The following CDH23 variants were observed in gnomAD, a reference collection of about 807,000 sequenced individuals.
CDH23 encodes the protein cadherin related 23.
In CDH23, 189 loss-of-function variants were observed where a neutral mutation model predicts 317.1. The ratio of observed to expected loss-of-function variants is 0.60; its 90% confidence interval spans 0.53 to 0.67. The LOEUF (loss-of-function observed/expected upper bound fraction) is 0.67, where lower values mean the gene tolerates loss of function less well. Among genes scored for constraint, CDH23 ranks in the 30% least tolerant of loss-of-function variants. CDH23 has a pLI of 0.00. For missense variants in CDH23, 4,401 were observed against 4,592.4 expected (o/e 0.96, Z 1.20); for synonymous variants, 1,839 against 1,876.8 (o/e 0.98, Z 0.52).
At chr10:71,778,090 C>A in intron 39 of CDH23, 99 bp from the exon 40 acceptor site, 2 of 1,534,656 alleles carry the variant, frequency 1.3e-6, no homozygotes, top group Non-Finnish European at 1.8e-6. Context: ...GGTTCCCCAT[C>A]ACAGCTCCAA....
At chr10:71,544,091 C>CA (rs1170424518) in intron 6 of CDH23, among the ~76,000 whole-genome samples, 1 of 152,200 alleles carries the variant, frequency 6.6e-6, no homozygotes, top group Non-Finnish European at 1.5e-5. Flanking sequence ...AGCTTTTAAT[C>CA]AGAGTTATGT....
intron 1 of CDH23, among the ~76,000 whole-genome samples, chr10:71,403,331 CT>C (rs1847881138): frequency 5.7e-5 from 3 of 52,358 alleles, no homozygotes; most frequent in South Asian, 7.3e-4. Flanking sequence ...TCCTTCCTTT[CT>C]TTCTTTCTTT....
At position 71,788,807 on chromosome 10, in the gene CDH23, G is replaced by A. The variant is rs184239404; in HGVS notation, c.5821-133G>A. On this transcript the variant is annotated intron_variant, in intron 44 of 69. Transcript: ENST00000224721. ...GTATGTCTTCTTTTGAAAAATGTGA[G>A]TTCATGTTGGTGTGGGCTTTTCTGA... 6.2e-4 allele frequency: 389 copies of A among 627,040 alleles called. 3 individuals are homozygous for A. In the African/African-American group the frequency reaches 6.6e-3, roughly 11 times the overall value. 38.8% of individuals were successfully genotyped at this position (627,040 alleles called of 1,614,324 possible).
At chr10:71,680,953 C>T (rs937554423) in intron 17 of CDH23, among the ~76,000 whole-genome samples, 10 of 150,422 alleles carry the variant, frequency 6.6e-5, no homozygotes, top group Non-Finnish European at 4.4e-5. Flanking sequence ...CTCAGCCTCC[C>T]GAGTAGCTGG....
chr10:71,734,564 C>T lies in CDH23; in HGVS notation c.4207-92C>T, dbSNP rs376253669. 2.1e-4 allele frequency: 334 copies of T among 1,606,116 alleles called. 2 individuals are homozygous for T. In the African/African-American group the frequency reaches 3.8e-3, roughly 18 times the overall value. On this transcript the variant is annotated intron_variant, in intron 33 of 69. Transcript: ENST00000224721. ...AGGGTGGCACCTCCAGAGACACTGC[C>T]GGGAGTGGGGTCTGGAAGAGCCACA...
intron 11 of CDH23, among the ~76,000 whole-genome samples, chr10:71,642,786 C>G (rs1188981330): frequency 1.3e-5 from 2 of 152,138 alleles, no homozygotes; most frequent in Non-Finnish European, 2.9e-5. Flanking sequence ...CTCAATTCCA[C>G]TGGAGGGGCT....
chr10:71,730,289 G>T (rs894777098), intron 30 of CDH23, among the ~76,000 whole-genome samples, 180 bp from the exon 31 acceptor site: 1 of 152,166 alleles, frequency 6.6e-6, no homozygotes, highest in Non-Finnish European at 1.5e-5. Flanking sequence ...CCTGCCACGC[G>T]CCAGGTGCTG....
At chr10:71,753,727 C>T in intron 38 of CDH23, 1 of 456,228 alleles carries the variant, frequency 2.2e-6, no homozygotes, top group Admixed American at 2.3e-5. Flanking sequence ...CCCACAGATG[C>T]TTCTCGTTTT....
chr10:71,625,094 C>A (rs1033573672), intron 11 of CDH23, among the ~76,000 whole-genome samples: 1 of 151,936 alleles, frequency 6.6e-6, no homozygotes, highest in Non-Finnish European at 1.5e-5. Flanking sequence ...AAGTGAGAGC[C>A]CCCCGTGAAT....
intron 41 of CDH23, among the ~76,000 whole-genome samples, chr10:71,781,637 G>T (rs570333444): frequency 6.6e-6 from 1 of 152,344 alleles, no homozygotes; most frequent in South Asian, 2.1e-4. Context: ...CAATCCACAC[G>T]TGATTGGGAT....
intron 28 of CDH23, among the ~76,000 whole-genome samples, chr10:71,721,818 C>T (rs929498940): frequency 1.3e-5 from 2 of 152,240 alleles, no homozygotes; most frequent in African/African-American, 4.8e-5. Context: ...CTCTTCCAAC[C>T]ACAGCCCTCT....
chr10:71,538,187 A>G (rs2132279873), intron 6 of CDH23, among the ~76,000 whole-genome samples: 2 of 152,326 alleles, frequency 1.3e-5, no homozygotes, highest in Middle Eastern at 3.4e-3. Flanking sequence ...AAGAACAACT[A>G]CGAAAGTGAT....
intron 14 of CDH23, among the ~76,000 whole-genome samples, chr10:71,671,729 G>T (rs533299219): frequency 3.3e-5 from 5 of 152,272 alleles, no homozygotes; most frequent in Admixed American, 1.3e-4. Flanking sequence ...CCAGCATCTG[G>T]GGGGCTGCTC....
At chr10:71,560,300 AT>A (rs1857067320) in intron 6 of CDH23, among the ~76,000 whole-genome samples, 1 of 152,100 alleles carries the variant, frequency 6.6e-6, no homozygotes, top group Admixed American at 6.5e-5. Flanking sequence ...ATGGGAGCCC[AT>A]TTTCTTATTC....
chr10:71,519,788 CTTT>C (rs71018213), intron 6 of CDH23, among the ~76,000 whole-genome samples: 5 of 144,628 alleles, frequency 3.5e-5, no homozygotes, highest in African/African-American at 5.1e-5. Context: ...TTTCTTTTTT[CTTT>C]TTTTTTTTTT....
intron 18 of CDH23, among the ~76,000 whole-genome samples, chr10:71,685,916 T>C (rs560389358): frequency 5.3e-5 from 8 of 152,222 alleles, no homozygotes; most frequent in Admixed American, 2.0e-4. Flanking sequence ...TTTCTCCCAA[T>C]TGGAATTTAA....
In CDH23 at chr10:71,777,700, G is replaced by A. The variant is rs368777167; in HGVS notation, c.4866G>A (p.Val1622=). The change falls in exon 39 of 70, where the codon GTG becomes GTA. Residue 1622 remains valine, a synonymous_variant. Coordinates refer to ENST00000224721, the MANE Select transcript of CDH23 (RefSeq NM_022124.6). ...PTLSATTHVY[V]TIVDENDNAP... ...CACAGGCCACCACGCACGTGTACGT[G>A]ACCATTGTGGATGAGAATGATAACG... 2.5e-6 allele frequency: 4 copies of A among 1,612,494 alleles called. No individual in the cohort carries two copies. In the African/African-American group the frequency reaches 5.3e-5, roughly 22 times the overall value.
chr10:71,446,541 C>G lies in CDH23; in HGVS notation c.145+146C>G, dbSNP rs1445674234. On this transcript the variant is annotated intron_variant, in intron 3 of 69. Transcript: ENST00000224721. ...GTGTAGAAAGGCCCCTGCTAGGATG[C>G]CTCCAGGGACAGGGCACTCAGTCCC... 4.0e-6 allele frequency: 3 copies of G among 745,458 alleles called. No individual in the cohort carries two copies. The African/African-American group carries it at 5.2e-5, about 13-fold the overall frequency. The allele number at this position is 745,458 out of a possible 1,614,324, so 46.2% of individuals were successfully genotyped here. A position where few individuals can be genotyped will look rare whatever the true frequency, so the allele number is the denominator to read the frequency against.
intron 3 of CDH23, among the ~76,000 whole-genome samples, chr10:71,453,214 GATTC>G (rs1373932915): frequency 6.6e-6 from 1 of 152,236 alleles, no homozygotes; most frequent in Non-Finnish European, 1.5e-5. Flanking sequence ...GGGAACCCGG[GATTC>G]ATTAGGATGG....
Sources: allele counts gnomAD v4.1 joint callset (sites outside exome capture counted in the v4.1 genomes callset), GRCh38; gene constraint gnomAD v4.1.1; transcripts MANE v1.5; gene names NCBI Gene and HGNC (gene_info 2026-07-23, HGNC 2026-07-21).